ATP10B: variants seen among roughly 807,000 people sequenced by gnomAD.
ATP10B encodes the protein ATPase phospholipid transporting 10B (putative).
In ATP10B, 122 loss-of-function variants were observed where a neutral mutation model predicts 141.2. The ratio of observed to expected loss-of-function variants is 0.86; its 90% CI spans 0.75 to 1.00. The LOEUF (loss-of-function observed/expected upper bound fraction) is 1.00. Among genes scored for constraint, ATP10B ranks in the 50% least tolerant of loss-of-function variants. ATP10B has a pLI of 0.00. For synonymous variants in ATP10B, 685 were observed against 692.0 expected, an observed-to-expected ratio of 0.99 and a Z score of 0.16; for missense variants, 1,876 against 1,825.3, an observed-to-expected ratio of 1.03 and a Z score of -0.51.
chr5:160,709,831 A>T (rs1368669789), intron 3 of ATP10B, among the ~76,000 whole-genome samples: 1 of 113,946 alleles, frequency 8.8e-6, no homozygotes, highest in Admixed American at 9.7e-5. Flanking sequence ...TCATTGTTCA[A>T]TTCCCACCTA....
chr5:160,862,600 A>AT, the ATP10B span, among the ~76,000 whole-genome samples: 1 of 151,936 alleles, frequency 6.6e-6, no homozygotes, highest in African/African-American at 2.4e-5. Context: ...CACTAACCTA[A>AT]TTGGCTTAAC....
intron 1 of ATP10B, among the ~76,000 whole-genome samples, chr5:160,790,901 C>T (rs917332460): frequency 6.6e-6 from 1 of 152,048 alleles, no homozygotes; most frequent in Non-Finnish European, 1.5e-5. Context: ...GTGAAAGAGG[C>T]AGGCAGAAGC....
At chr5:160,582,536 G>C (rs894093565) in intron 24 of ATP10B, among the ~76,000 whole-genome samples, 1 of 152,160 alleles carries the variant, frequency 6.6e-6, no homozygotes, top group African/African-American at 2.4e-5. Context: ...ACTTCTCTTT[G>C]TGGGGAACCC....
chr5:160,718,635 C>G (rs569844906), intron 2 of ATP10B, among the ~76,000 whole-genome samples: 15 of 151,668 alleles, frequency 9.9e-5, no homozygotes, highest in African/African-American at 3.4e-4. Context: ...AGACAAAACC[C>G]CAGGGGTGTC....
At chr5:160,593,215 C>T (rs2127615022) in intron 22 of ATP10B, among the ~76,000 whole-genome samples, 1 of 152,312 alleles carries the variant, frequency 6.6e-6, no homozygotes, top group African/African-American at 2.4e-5. Context: ...TTCTCTGAGA[C>T]AAAACTTCCA....
chr5:160,839,135 T>TA (rs1775659837), intron 1 of ATP10B, among the ~76,000 whole-genome samples: 1 of 152,112 alleles, frequency 6.6e-6, no homozygotes, highest in East Asian at 1.9e-4. Flanking sequence ...TTACCTAGTC[T>TA]CAGGTATTCC....
the ATP10B span, among the ~76,000 whole-genome samples, chr5:160,877,649 C>A: frequency 2.0e-5 from 3 of 149,446 alleles, no homozygotes; most frequent in Admixed American, 6.7e-5. Flanking sequence ...TTGTCTCAGC[C>A]CAAAATCTCC....
chr5:160,625,418 C>T (rs921110482), intron 13 of ATP10B, among the ~76,000 whole-genome samples: 4 of 152,052 alleles, frequency 2.6e-5, no homozygotes, highest in African/African-American at 4.8e-5. Context: ...AAATAGATTT[C>T]TTTTTTAGGG....
chr5:160,701,918 G>A (rs140390033), intron 3 of ATP10B, among the ~76,000 whole-genome samples: 6 of 150,688 alleles, frequency 4.0e-5, no homozygotes, highest in South Asian at 2.1e-4. Flanking sequence ...AATGCCTCCC[G>A]GGAGCAGTCA....
At chr5:160,894,164 C>A in the ATP10B span, among the ~76,000 whole-genome samples, 3 of 152,058 alleles carry the variant, frequency 2.0e-5, no homozygotes, top group African/African-American at 7.2e-5. Context: ...CAACTCCTCA[C>A]CAGCAAGGGA....
intron 2 of ATP10B, among the ~76,000 whole-genome samples, chr5:160,748,512 T>C (rs1767954949): frequency 6.6e-6 from 1 of 152,224 alleles, no homozygotes; most frequent in African/African-American, 2.4e-5. Context: ...CAGGCCCAGC[T>C]AGACATCTCT....
At chr5:160,862,096 T>A in the ATP10B span, among the ~76,000 whole-genome samples, 2 of 152,066 alleles carry the variant, frequency 1.3e-5, no homozygotes, top group African/African-American at 2.4e-5. Flanking sequence ...TAGTGCCTCT[T>A]TGAAAGGATT....
intron 1 of ATP10B, among the ~76,000 whole-genome samples, chr5:160,801,781 G>A (rs565483292): frequency 3.3e-5 from 5 of 152,110 alleles, no homozygotes; most frequent in Non-Finnish European, 5.9e-5. Context: ...AGACAGAATC[G>A]AAACCTGGAT....
chr5:160,786,172 C>G (rs957623137), intron 1 of ATP10B, among the ~76,000 whole-genome samples: 2 of 152,088 alleles, frequency 1.3e-5, no homozygotes, highest in Non-Finnish European at 2.9e-5. Context: ...AAAGTCAGTT[C>G]TGAAACTTGT....
intron 2 of ATP10B, among the ~76,000 whole-genome samples, chr5:160,768,130 T>C (rs112151288): frequency 2.0e-4 from 31 of 152,278 alleles, no homozygotes; most frequent in African/African-American, 7.2e-4. Context: ...GTCATTACCA[T>C]CATTGTCATC....
At chr5:160,793,929 G>A (rs542636680) in intron 1 of ATP10B, among the ~76,000 whole-genome samples, 1 of 152,172 alleles carries the variant, frequency 6.6e-6, no homozygotes, top group African/African-American at 2.4e-5. Context: ...TGTAGCCTAG[G>A]AGCACTACGC....
chr5:160,748,738 T>C lies in ATP10B; in HGVS notation c.-330-31704A>G, dbSNP rs146423929. Among the ~76,000 whole-genome samples the C allele has an allele frequency of 2.0e-4, 31 of 152,360 alleles. No homozygotes were observed. The South Asian group carries it at 2.1e-3, about 10-fold the overall frequency. ...TGTTAATTGGTTTCATAACTACTAATTTAGATGCTTCCTTCAGGACTGAGG... is the reference window on the plus strand; with the variant it reads ...TGTTAATTGGTTTCATAACTACTAACTTAGATGCTTCCTTCAGGACTGAGG... On this transcript the variant is annotated intron_variant, in intron 2 of 25. Coordinates refer to ENST00000327245, the MANE Select transcript of ATP10B (RefSeq NM_025153.3).
At chr5:160,576,170 T>A (rs902798203) in intron 24 of ATP10B, among the ~76,000 whole-genome samples, 1 of 152,076 alleles carries the variant, frequency 6.6e-6, no homozygotes, top group Non-Finnish European at 1.5e-5. Context: ...CTGGGTCATG[T>A]CTCCATCTCC....
At chr5:160,814,423 G>A (rs934191179) in intron 1 of ATP10B, among the ~76,000 whole-genome samples, 1 of 152,124 alleles carries the variant, frequency 6.6e-6, no homozygotes, top group African/African-American at 2.4e-5. Context: ...AGTGAGAAGA[G>A]AAGTTTAGAG....
Sources: allele counts gnomAD v4.1 joint callset (sites outside exome capture counted in the v4.1 genomes callset), GRCh38; gene constraint gnomAD v4.1.1; transcripts MANE v1.5; gene names NCBI Gene and HGNC (gene_info 2026-07-23, HGNC 2026-07-21).